The following RCC1L variants were observed in gnomAD, a reference collection of about 807,000 sequenced individuals.
RCC1L encodes the protein RCC1-like G exchanging factor-like protein.
Under a neutral mutation model 58.6 loss-of-function variants are expected in RCC1L, and 46 were observed. The observed-to-expected ratio is 0.79, with a 90% CI of 0.62 to 1.00. The LOEUF (loss-of-function observed/expected upper bound fraction) is 1.00. RCC1L is among the 50% of genes least tolerant of loss of function. The pLI, the probability that RCC1L is intolerant of heterozygous loss-of-function variation, is 0.00. For synonymous variants in RCC1L, 281 were observed against 262.9 expected (o/e 1.07, Z -0.67); for missense variants, 636 against 623.6 (o/e 1.02, Z -0.21).
At chr7:75,041,863 C>CAAAAAAA (rs1201913828), downstream of RCC1L, among the ~76,000 whole-genome samples, 3 of 64,478 alleles carry the variant, frequency 4.7e-5, no homozygotes, top group African/African-American at 4.1e-5. Flanking sequence ...GACTCTGTCT[C>CAAAAAAA]AAAAAAAAAA....
chr7:75,051,659 C>T (rs1263869189), intron 10 of RCC1L, among the ~76,000 whole-genome samples: 1 of 152,160 alleles, frequency 6.6e-6, no homozygotes, highest in Non-Finnish European at 1.5e-5. Context: ...GATCCACCCA[C>T]CTGGGCCTCC....
At chr7:75,038,046 G>T (rs1214664929), downstream of RCC1L, among the ~76,000 whole-genome samples, 3 of 152,234 alleles carry the variant, frequency 2.0e-5, no homozygotes, top group East Asian at 5.8e-4. Context: ...GAAAGCAAGT[G>T]TGGGGTCCTG....
At chr7:75,054,568 C>A (rs782325081) in intron 9 of RCC1L, among the ~76,000 whole-genome samples, 134,792 of 152,222 alleles carry the variant, frequency 0.89, 59,792 homozygotes, top group East Asian at 0.95. Context: ...TTGTTTCCCC[C>A]AAAATTAGTC....
intron 2 of RCC1L, among the ~76,000 whole-genome samples, chr7:75,067,653 C>G (rs1320210913): frequency 6.6e-6 from 1 of 151,780 alleles, no homozygotes; most frequent in East Asian, 1.9e-4. Flanking sequence ...TACAAAAATA[C>G]AAAAATCAGC....
intron 10 of RCC1L, among the ~76,000 whole-genome samples, chr7:75,049,497 C>A (rs901778539): frequency 1.9e-4 from 29 of 150,444 alleles, no homozygotes; most frequent in African/African-American, 7.1e-4. Flanking sequence ...AAAAAAAAAA[C>A]GAAAAAAAAA....
intron 8 of RCC1L, 26 bp from the exon 9 acceptor site, chr7:75,056,100 A>C: frequency 6.2e-7 from 1 of 1,613,850 alleles, no homozygotes; most frequent in Non-Finnish European, 8.5e-7. Context: ...AACAAGGGTC[A>C]GTAAGTCCAT....
At chr7:75,071,219 GTAT>G (rs1806715671) in intron 1 of RCC1L, among the ~76,000 whole-genome samples, 1 of 152,124 alleles carries the variant, frequency 6.6e-6, no homozygotes, top group African/African-American at 2.4e-5. Flanking sequence ...TGTTTGATAA[GTAT>G]TATCTCATTT....
chr7:75,029,235 C>T (rs1224388345), intron 10 of RCC1L, among the ~76,000 whole-genome samples: 3 of 152,180 alleles, frequency 2.0e-5, no homozygotes, highest in African/African-American at 7.2e-5. Flanking sequence ...CTGGGGAGTC[C>T]TAAGGCCACC....
chr7:75,034,142 T>C (rs1805379291), intron 10 of RCC1L, among the ~76,000 whole-genome samples: 1 of 152,176 alleles, frequency 6.6e-6, no homozygotes, highest in Non-Finnish European at 1.5e-5. Context: ...GTTATGTGAC[T>C]TATATCTTGA....
intron 10 of RCC1L, among the ~76,000 whole-genome samples, chr7:75,034,095 G>T (rs1182730944): frequency 6.6e-6 from 1 of 152,162 alleles, no homozygotes. Flanking sequence ...CACAGTTTGC[G>T]AAAAACCACT....
At chr7:75,053,316 A>G (rs1805978325) in intron 9 of RCC1L, among the ~76,000 whole-genome samples, 1 of 152,012 alleles carries the variant, frequency 6.6e-6, no homozygotes, top group African/African-American at 2.4e-5. Flanking sequence ...TCACTGATGC[A>G]CACGGCCCAC....
intron 2 of RCC1L, 28 bp from the exon 3 acceptor site, chr7:75,066,820 G>A: frequency 6.3e-7 from 1 of 1,585,646 alleles, no homozygotes; most frequent in Non-Finnish European, 8.6e-7. Context: ...CACTGATTGA[G>A]GCATGCATTT....
rs782638012 is a variant in RCC1L at position 75,055,940 on chromosome 7, G to A, written c.1192C>T (p.Arg398Cys). The A allele has an allele frequency of 8.1e-6, 13 of 1,613,962 alleles. No homozygotes were observed. Among genetic ancestry groups the A allele is most frequent in the African/African-American group, 1.3e-5 (1 of 75,034 alleles). Residue 398 changes from arginine to cysteine, a missense_variant, in exon 9 of 11, where the codon CGC becomes TGC. Physicochemically the swap from Arg to Cys is radical, Grantham distance 180. Coordinates refer to ENST00000610322, the MANE Select transcript of RCC1L (RefSeq NM_030798.5). ...AAGTGGCTGAGTCCACATCGGATGC[G>A]GGAAACCTGGATTTCTGGGTTGAAC... ...TEFNPEIQVS[R>C]IRCGLSHFAA...
At chr7:75,073,275 T>A in intron 1 of RCC1L, 139 bp downstream of exon 1, 1 of 446,440 alleles carries the variant, frequency 2.2e-6, no homozygotes, top group Non-Finnish European at 3.9e-6. Flanking sequence ...CTCCTGGGCT[T>A]GCAGCCAGCT....
intron 9 of RCC1L, 148 bp from the exon 10 acceptor site, chr7:75,052,944 A>G: frequency 2.5e-6 from 2 of 795,950 alleles, no homozygotes; most frequent in South Asian, 3.0e-5. Context: ...GCTTTCTTTG[A>G]AGGCAAAAGT....
At chr7:75,052,535 A>C (rs1805943676) in intron 10 of RCC1L, among the ~76,000 whole-genome samples, 176 bp downstream of exon 10, 1 of 152,216 alleles carries the variant, frequency 6.6e-6, no homozygotes, top group Non-Finnish European at 1.5e-5. Context: ...CATGGGTGTC[A>C]CCACAGAGTG....
Position 75,073,496 on chromosome 7 carries a change from C to G in RCC1L, c.242G>C (p.Ser81Thr), listed in dbSNP as rs1554446472. 1.4e-6 allele frequency: 2 copies of G among 1,406,206 alleles called. No homozygotes were observed. The highest frequency in any genetic ancestry group is 1.8e-6 in the Non-Finnish European group (2 of 1,086,210). 87.1% of individuals were successfully genotyped at this position (1,406,206 alleles called of 1,614,324 possible). The change falls in exon 1 of 11, where the codon AGC becomes ACC. Residue 81 changes from serine to threonine, a missense_variant. Coordinates refer to ENST00000610322, the MANE Select transcript of RCC1L (RefSeq NM_030798.5). ...ALGVPSFVVP[S>T]SGPGPRAGAR... is the part of the protein sequence containing the mutation. The stretch of plus-strand genomic sequence containing the variant: ...GCCGGCGCGGGGCCCGGGCCCGGAG[C>G]TGGGCACCACAAAGGAAGGCACGCC...
In RCC1L at chr7:75,073,798, G is replaced by C; in HGVS notation, c.-61C>G. 3 of 1,500,362 alleles carry C rather than the reference G, an allele frequency of 2.0e-6. No individual in the cohort carries two copies. The highest frequency in any genetic ancestry group is 1.4e-5 in the African/African-American group (1 of 71,760). The allele number at this position is 1,500,362 out of a possible 1,614,324, so 92.9% of individuals were successfully genotyped here. ...CCATCTTGCGTGACCCTTAACACCA[G>C]TCCTCGCCGGAAGAGGCTACGGCCA... On this transcript the variant is annotated 5_prime_UTR_variant, in exon 1 of 11. Transcript: ENST00000610322.
chr7:75,054,037 G>A lies in RCC1L; in HGVS notation c.1232-1241C>T, dbSNP rs1040775933. 6.3e-3 allele frequency among the ~76,000 whole-genome samples: 964 copies of A among 152,198 alleles called. 5 individuals are homozygous for A. The highest frequency in any genetic ancestry group is 9.1e-3 in the Non-Finnish European group (622 of 68,014). ...TCCACCTCAGCCTCCAGAGTAGCTG[G>A]GACTACAGGCGCACACCACCACACC... On this transcript the variant is annotated intron_variant, in intron 9 of 10. Coordinates refer to ENST00000610322, the MANE Select transcript of RCC1L (RefSeq NM_030798.5).
Sources: gnomAD v4.1 joint callset for allele counts (sites outside exome capture counted in the v4.1 genomes callset) on GRCh38, gnomAD v4.1.1 for gene constraint, MANE v1.5 for transcripts, NCBI Gene and HGNC (gene_info 2026-07-23, HGNC 2026-07-21) for gene names.